The following DOCK4 variants were observed in gnomAD, a reference collection of about 807,000 sequenced individuals.
DOCK4 encodes the protein dedicator of cytokinesis 4.
Under a neutral mutation model 268.1 loss-of-function variants are expected in DOCK4, and 97 were observed. The observed-to-expected ratio is 0.36, with a 90% CI of 0.31 to 0.43. The LOEUF (loss-of-function observed/expected upper bound fraction) is 0.43. Among genes scored for constraint, DOCK4 ranks in the 20% least tolerant of loss-of-function variants. The pLI is 1.00. For synonymous variants in DOCK4, 954 were observed against 887.2 expected (o/e 1.08, Z -1.34); for missense variants, 2,145 against 2,455.7 (o/e 0.87, Z 2.67).
chr7:111,788,841 C>T, intron 31 of DOCK4, 94 bp from the exon 32 acceptor site: 2 of 1,172,508 alleles, frequency 1.7e-6, no homozygotes, highest in South Asian at 1.3e-5. Context: ...AAGGAAAAAG[C>T]CATGGTAAAT....
At chr7:111,758,310 G>A (rs1466371382) in intron 41 of DOCK4, among the ~76,000 whole-genome samples, 1 of 152,164 alleles carries the variant, frequency 6.6e-6, no homozygotes, top group African/African-American at 2.4e-5. Context: ...ACTGACTTCA[G>A]CCAGGAGTTC....
Position 111,901,782 on chromosome 7 carries a change from T to C in DOCK4, c.1212A>G (p.Leu404=). The C allele has an allele frequency of 6.3e-7, 1 of 1,583,648 alleles. No homozygotes were observed. The highest frequency in any genetic ancestry group is 8.7e-7 in the Non-Finnish European group (1 of 1,154,934). Residue 404 remains leucine, a synonymous_variant, in exon 14 of 53, where the codon TTA becomes TTG. Transcript: ENST00000428084. Reference sequence around the variant, plus strand: ...ATTCTCCCCTTTCAATAGTGATATATAAATCATTCCTCATTTCACCTATAA... The same window carrying C: ...ATTCTCCCCTTTCAATAGTGATATACAAATCATTCCTCATTTCACCTATAA... The part of the protein sequence containing the change: ...IIMPGEMRND[L]YITIERGEFE...
At chr7:112,089,926 T>C (rs1232947858) in intron 1 of DOCK4, among the ~76,000 whole-genome samples, 2 of 152,206 alleles carry the variant, frequency 1.3e-5, no homozygotes, top group Non-Finnish European at 2.9e-5. Flanking sequence ...AATTGACTAA[T>C]ACAGTGTTAA....
At chr7:111,989,276 C>T in intron 5 of DOCK4, 113 bp from the exon 6 acceptor site, 1 of 1,400,790 alleles carries the variant, frequency 7.1e-7, no homozygotes, top group Non-Finnish European at 9.7e-7. Flanking sequence ...GTGCTTGCCA[C>T]TCTGGACAGA....
intron 12 of DOCK4, among the ~76,000 whole-genome samples, chr7:111,917,154 AT>A (rs1562883970): frequency 6.6e-6 from 1 of 151,644 alleles, no homozygotes; most frequent in African/African-American, 2.4e-5. Context: ...CACCCAGCTA[AT>A]TTTTGTGTTT....
chr7:112,062,748 C>T (rs753860419), intron 1 of DOCK4, among the ~76,000 whole-genome samples: 12 of 152,272 alleles, frequency 7.9e-5, no homozygotes, highest in Admixed American at 3.9e-4. Flanking sequence ...GGCACGATCT[C>T]GGCTCACTGC....
chr7:112,036,706 G>A (rs1803815066), intron 1 of DOCK4, among the ~76,000 whole-genome samples: 1 of 146,182 alleles, frequency 6.8e-6, no homozygotes. Flanking sequence ...CATCGCCCAG[G>A]CTGGAGTGCA....
chr7:111,897,287 C>T (rs1388860359), intron 15 of DOCK4, among the ~76,000 whole-genome samples: 2 of 152,094 alleles, frequency 1.3e-5, no homozygotes, highest in East Asian at 3.9e-4. Context: ...GTGATCAATC[C>T]TCTCTTAAAA....
rs1370681028 is a variant in DOCK4 at position 111,940,797 on chromosome 7, TACA to T, written c.845-558_845-556del. Among the ~76,000 whole-genome samples, 9 of 152,348 alleles carry T rather than the reference TACA, an allele frequency of 5.9e-5. No homozygotes were observed. The East Asian group carries it at 1.7e-3, about 29-fold the overall frequency. Reference sequence around the variant, plus strand: ...TAAAGTTTTAACTTGTTTAAATTGTTACATGTTTAAAAATATGTTATTAATACA... The same window carrying T: ...TAAAGTTTTAACTTGTTTAAATTGTTTGTTTAAAAATATGTTATTAATACA... On this transcript the variant is annotated intron_variant, in intron 10 of 52. Transcript: ENST00000428084.
In DOCK4 at chr7:111,728,527, G is replaced by T; in HGVS notation, c.5675C>A (p.Pro1892His). The T allele has an allele frequency of 6.2e-7, 1 of 1,613,290 alleles. No homozygotes were observed. Among genetic ancestry groups the T allele is most frequent in the Non-Finnish European group, 8.5e-7 (1 of 1,179,746 alleles). Residue 1892 changes from proline to histidine, a missense_variant, in exon 53 of 53, where the codon CCC becomes CAC. This residue lies in a region of DOCK4 where 547 missense variants were observed against 469.0 expected (regional missense o/e 1.17). Coordinates refer to ENST00000428084, the MANE Select transcript of DOCK4 (RefSeq NM_001363540.2). The stretch of plus-strand genomic sequence containing the variant: ...CTCCTCCCCGCCGTAGCTCGGCACG[G>T]GCACCGGCACTGGCACCGGCAGGGG... ...SAPLPVPVPV[P>H]VPSYGGEEPV... is the part of the protein sequence containing the mutation.
At chr7:112,113,785 A>G (rs1398965606) in intron 1 of DOCK4, among the ~76,000 whole-genome samples, 7 of 76,506 alleles carry the variant, frequency 9.1e-5, no homozygotes, top group Admixed American at 8.8e-4. Flanking sequence ...TTTTGTAGAG[A>G]CAGTCTTGCT....
At chr7:112,195,510 C>A (rs1820339339) in intron 1 of DOCK4, among the ~76,000 whole-genome samples, 1 of 152,100 alleles carries the variant, frequency 6.6e-6, no homozygotes, top group African/African-American at 2.4e-5. Context: ...GCTTTACAAG[C>A]TCCTCAACCA....
At chr7:112,051,413 G>A (rs919253297) in intron 1 of DOCK4, among the ~76,000 whole-genome samples, 7 of 151,908 alleles carry the variant, frequency 4.6e-5, no homozygotes, top group African/African-American at 1.7e-4. Flanking sequence ...ATACTTTTTA[G>A]GTGGAAAATT....
intron 13 of DOCK4, among the ~76,000 whole-genome samples, chr7:111,912,531 T>G (rs566414281): frequency 6.6e-6 from 1 of 152,044 alleles, no homozygotes; most frequent in South Asian, 2.1e-4. Flanking sequence ...TCAAAAAAAT[T>G]TTAAATGTAA....
At chr7:111,994,091 C>T (rs764081565) in intron 5 of DOCK4, 44 bp downstream of exon 5, 28 of 1,342,920 alleles carry the variant, frequency 2.1e-5, no homozygotes, top group Non-Finnish European at 2.5e-5. Flanking sequence ...TTTCTTAAAA[C>T]AATTCTTTAC....
chr7:111,753,006 G>GGGT (rs1796782689), intron 42 of DOCK4, among the ~76,000 whole-genome samples: 1 of 4,414 alleles, frequency 2.3e-4, no homozygotes, highest in African/African-American at 4.9e-4. Flanking sequence ...ATAAGCTATT[G>GGGT]GGGGGGGGGT....
intron 4 of DOCK4, 103 bp downstream of exon 4, chr7:111,998,345 T>G: frequency 2.2e-6 from 2 of 904,366 alleles, no homozygotes. Flanking sequence ...TGGTATGATC[T>G]TCTACAGTTC....
chr7:111,848,689 T>TCCC (rs967583842), intron 23 of DOCK4, among the ~76,000 whole-genome samples: 43 of 152,180 alleles, frequency 2.8e-4, no homozygotes, highest in African/African-American at 1.0e-3. Flanking sequence ...CATGCTGACT[T>TCCC]CCCAAAGCTG....
chr7:112,084,550 A>G (rs1235515373), intron 1 of DOCK4, among the ~76,000 whole-genome samples: 2 of 152,144 alleles, frequency 1.3e-5, no homozygotes, highest in Non-Finnish European at 2.9e-5. Context: ...CCCTCAGTTA[A>G]TATACTTTCA....
Sources: gnomAD v4.1 joint callset for allele counts (sites outside exome capture counted in the v4.1 genomes callset) on GRCh38, gnomAD v4.1.1 for gene constraint, gnomAD v4.1.1 regional missense constraint, MANE v1.5 for transcripts, NCBI Gene and HGNC (gene_info 2026-07-23, HGNC 2026-07-21) for gene names.